DLGAP1: variants seen among roughly 807,000 people sequenced by gnomAD.
The protein encoded by DLGAP1 is DLG associated protein 1.
Under a neutral mutation model 90.8 loss-of-function variants are expected in DLGAP1, and 11 were observed. That is an observed-to-expected ratio of 0.12 (90% CI 0.08 to 0.20). DLGAP1 has a LOEUF of 0.20. DLGAP1 is among the 10% of genes least tolerant of loss of function. DLGAP1 has a pLI of 1.00. For missense variants in DLGAP1, 1,050 were observed against 1,333.8 expected (o/e 0.79, Z 3.31); for synonymous variants, 558 against 540.7 (o/e 1.03, Z -0.44).
At chr18:4,228,723 C>G (rs2078242026) in intron 1 of DLGAP1, among the ~76,000 whole-genome samples, 1 of 151,968 alleles carries the variant, frequency 6.6e-6, no homozygotes, top group South Asian at 2.1e-4. Context: ...TGCAGATCCA[C>G]AGCTAATGTC....
At chr18:4,350,307 AT>A (rs1176715946) in intron 1 of DLGAP1, among the ~76,000 whole-genome samples, 2 of 152,158 alleles carry the variant, frequency 1.3e-5, no homozygotes, top group Non-Finnish European at 2.9e-5. Context: ...TTAGCAAAAT[AT>A]TTTTAACATA....
chr18:4,365,693 A>T (rs1598291847), intron 1 of DLGAP1, among the ~76,000 whole-genome samples: 2 of 152,188 alleles, frequency 1.3e-5, no homozygotes, highest in East Asian at 3.8e-4. Flanking sequence ...TGTTAAGCAC[A>T]GGCATGAATT....
chr18:3,739,182 T>G (rs1386497849), intron 6 of DLGAP1, among the ~76,000 whole-genome samples: 1 of 143,894 alleles, frequency 6.9e-6, no homozygotes, highest in Admixed American at 7.0e-5. Flanking sequence ...TTGGTGGGAC[T>G]GTAAACTAGT....
chr18:4,330,172 T>C (rs1300086247), intron 1 of DLGAP1, among the ~76,000 whole-genome samples: 1 of 152,068 alleles, frequency 6.6e-6, no homozygotes, highest in Non-Finnish European at 1.5e-5. Flanking sequence ...CTCACTCATC[T>C]TTACCATCTT....
chr18:3,970,338 G>GA (rs1437343176), intron 3 of DLGAP1, among the ~76,000 whole-genome samples: 1 of 152,026 alleles, frequency 6.6e-6, no homozygotes, highest in Non-Finnish European at 1.5e-5. Context: ...AGAAACAAAG[G>GA]AAAAGAAAAT....
chr18:3,721,629 A>G (rs2061987207), intron 7 of DLGAP1: 1 of 152,224 alleles, frequency 6.6e-6, no homozygotes, highest in Non-Finnish European at 1.5e-5. Flanking sequence ...AAACTGATAT[A>G]GAAAATACAG....
chr18:3,958,190 T>A (rs1212041589), intron 3 of DLGAP1, among the ~76,000 whole-genome samples: 1 of 152,114 alleles, frequency 6.6e-6, no homozygotes, highest in Non-Finnish European at 1.5e-5. Context: ...ATTACAGGCA[T>A]AAGCCATCAC....
intron 3 of DLGAP1, among the ~76,000 whole-genome samples, chr18:3,928,123 C>T (rs576409789): frequency 5.3e-5 from 8 of 152,186 alleles, no homozygotes; most frequent in Admixed American, 3.9e-4. Context: ...CTTTTCTCTG[C>T]TTCTTATGGT....
intron 2 of DLGAP1, among the ~76,000 whole-genome samples, chr18:4,105,178 C>T (rs1482950013): frequency 2.6e-5 from 4 of 152,052 alleles, no homozygotes; most frequent in African/African-American, 4.8e-5. Flanking sequence ...AGATGTGTAC[C>T]GAGTGTTCTC....
intron 6 of DLGAP1, among the ~76,000 whole-genome samples, chr18:3,741,103 T>TCACCATCACCACCAC (rs2062945986): frequency 1.9e-5 from 1 of 53,156 alleles, no homozygotes; most frequent in Non-Finnish European, 3.4e-5. Context: ...ACCACCACCA[T>TCACCATCACCACCAC]CACCATCACC....
In DLGAP1 at chr18:4,454,667, CG is replaced by C. The variant is rs1305595148; in HGVS notation, c.-267+338del. 1.3e-5 allele frequency among the ~76,000 whole-genome samples: 2 copies of C among 151,988 alleles called. No homozygotes were observed. Among genetic ancestry groups the C allele is most frequent in the Non-Finnish European group, 2.9e-5 (2 of 67,966 alleles). On this transcript the variant is annotated intron_variant, in intron 1 of 12. Coordinates refer to ENST00000315677, the MANE Select transcript of DLGAP1 (RefSeq NM_004746.4). This position sits in a 1 kb window ranked among gnomAD's most constrained non-coding sequence, Gnocchi z 4.7. ...GGTGGACATGACCGGGACAGGGGAC[CG>C]GTGTTCTCCTCCCCTCCCCCTTCCG...
chr18:3,859,446 T>C (rs1323005511), intron 4 of DLGAP1, among the ~76,000 whole-genome samples: 1 of 152,240 alleles, frequency 6.6e-6, no homozygotes, highest in East Asian at 1.9e-4. Flanking sequence ...CCATGGAACC[T>C]GTGAATGTTA....
chr18:3,559,823 A>T lies in DLGAP1; in HGVS notation c.2057+7667T>A, dbSNP rs144779666. On this transcript the variant is annotated intron_variant, in intron 9 of 12. Coordinates refer to ENST00000315677, the MANE Select transcript of DLGAP1 (RefSeq NM_004746.4). Reference sequence around the variant, plus strand: ...TTTTTAATAGATACGGGGTTTCACCATATTGTCTAGGCTGGTCTTGAACTC... The same window carrying T: ...TTTTTAATAGATACGGGGTTTCACCTTATTGTCTAGGCTGGTCTTGAACTC... Among the ~76,000 whole-genome samples, 585 of 151,710 alleles carry T rather than the reference A, an allele frequency of 3.9e-3. 5 individuals carry two copies. The highest frequency in any genetic ancestry group is 0.013 in the African/African-American group (546 of 41,424).
chr18:4,208,045 A>AT (rs1258760802), intron 1 of DLGAP1, among the ~76,000 whole-genome samples: 1 of 152,208 alleles, frequency 6.6e-6, no homozygotes, highest in Admixed American at 6.5e-5. Flanking sequence ...TCTGTATAAT[A>AT]TTTTTCACTT....
intron 7 of DLGAP1, among the ~76,000 whole-genome samples, chr18:3,688,305 T>A (rs374310124): frequency 6.6e-6 from 1 of 152,112 alleles, no homozygotes; most frequent in Non-Finnish European, 1.5e-5. Flanking sequence ...TTGATTCATA[T>A]GAAAGAATCT....
intron 1 of DLGAP1, among the ~76,000 whole-genome samples, chr18:4,202,514 G>A (rs1294489018): frequency 6.6e-6 from 1 of 152,120 alleles, no homozygotes; most frequent in Non-Finnish European, 1.5e-5. Context: ...TAGAAAGATA[G>A]ACTATATCCA....
At chr18:3,890,216 A>G (rs2071424932) in intron 3 of DLGAP1, among the ~76,000 whole-genome samples, 1 of 152,224 alleles carries the variant, frequency 6.6e-6, no homozygotes, top group Non-Finnish European at 1.5e-5. Context: ...ACAGCTTTAT[A>G]CCCATTTAAG....
intron 11 of DLGAP1, among the ~76,000 whole-genome samples, chr18:3,505,106 C>T (rs2050142648): frequency 8.4e-6 from 1 of 118,806 alleles, no homozygotes; most frequent in Non-Finnish European, 1.9e-5. Context: ...TCTGACCAAT[C>T]ATGGTGCCAC....
intron 1 of DLGAP1, among the ~76,000 whole-genome samples, chr18:4,273,891 TTC>T (rs200406636): frequency 7.0e-6 from 1 of 142,210 alleles, no homozygotes. Flanking sequence ...GTAATTTGTC[TTC>T]TCTCTTTTTT....
Sources: allele counts gnomAD v4.1 joint callset (sites outside exome capture counted in the v4.1 genomes callset), GRCh38; gene constraint gnomAD v4.1.1; non-coding constraint Gnocchi (gnomAD v3.1); transcripts MANE v1.5; gene names NCBI Gene and HGNC (gene_info 2026-07-23, HGNC 2026-07-21).